Variants in AGAP2 observed in about 807,000 individuals in gnomAD.
AGAP2 encodes the protein arf-GAP with GTPase, ANK repeat and PH domain-containing protein 2.
AGAP2 carries 32 observed loss-of-function variants against 110.9 expected under a neutral mutation model. That is an observed-to-expected ratio of 0.29 (90% CI 0.22 to 0.39). The LOEUF is 0.39. Among genes scored for constraint, AGAP2 ranks in the 10% least tolerant of loss-of-function variants. The pLI, the probability that AGAP2 is intolerant of heterozygous loss-of-function variation, is 1.00. For missense variants in AGAP2, 1,285 were observed against 1,638.5 expected, an observed-to-expected ratio of 0.78 and a Z score of 3.72; for synonymous variants, 702 against 713.0, an observed-to-expected ratio of 0.98 and a Z score of 0.25.
At chr12:57,730,253 C>A in intron 12 of AGAP2, 1 of 553,676 alleles carries the variant, frequency 1.8e-6, no homozygotes, top group South Asian at 2.2e-5. Context: ...AACTGAGGCA[C>A]GGAGAGGTCA....
intron 17 of AGAP2, 22 bp from the exon 18 acceptor site, chr12:57,727,251 G>C (rs777623008): frequency 6.2e-7 from 1 of 1,612,550 alleles, no homozygotes; most frequent in East Asian, 2.2e-5. Context: ...GGGATCAACG[G>C]AAAAGGCTCT....
chr12:57,728,817 GGGGATC>G (rs1485802416), intron 13 of AGAP2, among the ~76,000 whole-genome samples: 1 of 152,098 alleles, frequency 6.6e-6, no homozygotes, highest in Admixed American at 6.6e-5. Flanking sequence ...GGACAAGAAT[GGGGATC>G]ACTATGGTCA....
Position 57,737,587 on chromosome 12 carries a change from C to A in AGAP2, c.660G>T (p.Arg220Ser). Residue 220 changes from arginine to serine, a missense_variant, in exon 1 of 19, where the codon AGG (arginine) becomes AGT (serine). By Grantham distance (110) the Arg-to-Ser change is moderately radical. Around this residue, in one of 7 missense-constraint regions of AGAP2, gnomAD observed 844 missense variants for 941.2 expected, o/e 0.90. Transcript: ENST00000547588. This position sits in a 1 kb window ranked among gnomAD's most constrained non-coding sequence, Gnocchi z 5.9. ...CGGCGCTGCTCTTTGACCCCTTGACCCTGGGCTTGCCCTCGCTTTCGGGCC... is the reference window on the plus strand; with the variant it reads ...CGGCGCTGCTCTTTGACCCCTTGACACTGGGCTTGCCCTCGCTTTCGGGCC... ...LSWPESEGKP[R>S]VKGSKSSAGT... is the part of the protein sequence containing the mutation. The A allele has an allele frequency of 6.5e-7, 1 of 1,548,432 alleles. No homozygotes were observed. Among genetic ancestry groups the A allele is most frequent in the African/African-American group, 1.4e-5 (1 of 73,182 alleles).
At position 57,727,236 on chromosome 12, in the gene AGAP2, G is replaced by C. The variant is rs780552066; in HGVS notation, c.3081-7C>G. ...CCACGACTCGCGCTCCTCCCTGCAAGACCAGGGATCAACGGAAAAGGCTCT... is the reference window on the plus strand; with the variant it reads ...CCACGACTCGCGCTCCTCCCTGCAACACCAGGGATCAACGGAAAAGGCTCT... On this transcript the variant is annotated splice_region_variant and splice_polypyrimidine_tract_variant and intron_variant, in intron 17 of 18. Transcript: ENST00000547588. 2 of 1,612,476 alleles carry C rather than the reference G, an allele frequency of 1.2e-6. No individual in the cohort carries two copies. Among genetic ancestry groups the C allele is most frequent in the African/African-American group, 1.3e-5 (1 of 74,910 alleles).
rs573277672 is a variant in AGAP2 at position 57,731,896 on chromosome 12, C to A, written c.1866G>T (p.Glu622Asp). The A allele has an allele frequency of 6.2e-7, 1 of 1,612,674 alleles. No homozygotes were observed. The highest frequency in any genetic ancestry group is 1.1e-5 in the South Asian group (1 of 90,648). The stretch of plus-strand genomic sequence containing the variant: ...CCACTGCAGCTGCCTCGGCTCGGAG[C>A]TCCCGGTGACCAACATTCGGTGAGG... ...LPSSPNVGHRELRAEAAAVAG... is the reference protein window; with the variant it reads ...LPSSPNVGHRDLRAEAAAVAG... Residue 622 changes from glutamate (E) to aspartate (D), a missense_variant, in exon 8 of 19, where the codon GAG becomes GAT. By Grantham distance (45) the Glu-to-Asp change is conservative. Around this residue, in one of 7 missense-constraint regions of AGAP2, gnomAD observed 844 missense variants for 941.2 expected, o/e 0.90. Coordinates refer to ENST00000547588, the MANE Select transcript of AGAP2 (RefSeq NM_001122772.3).
chr12:57,726,444 G>C lies in AGAP2; in HGVS notation c.*108C>G. On this transcript the variant is annotated 3_prime_UTR_variant, in exon 19 of 19. Coordinates refer to ENST00000547588, the MANE Select transcript of AGAP2 (RefSeq NM_001122772.3). The surrounding 1 kb of genome is among the most constrained non-coding windows in gnomAD (Gnocchi z 5.7). The stretch of plus-strand genomic sequence containing the variant: ...CGTGGGGGTAGGAAGTGCTCCCGTG[G>C]GGCGGGGTGCGGATCGGAGAGGTGA... The C allele has an allele frequency of 1.9e-6, 2 of 1,076,706 alleles. No individual in the cohort carries two copies. The highest frequency in any genetic ancestry group is 9.2e-5 in the South Asian group (2 of 21,710). 66.7% of individuals were successfully genotyped at this position (1,076,706 alleles called of 1,614,324 possible).
intron 12 of AGAP2, among the ~76,000 whole-genome samples, chr12:57,730,206 G>A (rs1226957286): frequency 2.0e-5 from 3 of 152,056 alleles, no homozygotes; most frequent in Admixed American, 6.5e-5. Flanking sequence ...GCAACCCTCT[G>A]AGGTAGAAAC....
chr12:57,741,920 C>G, upstream of AGAP2: 3 of 1,613,616 alleles, frequency 1.9e-6, no homozygotes, highest in Non-Finnish European at 2.5e-6. Flanking sequence ...ACCTCGAATG[C>G]TGTCCAATGA....
At position 57,730,807 on chromosome 12, in the gene AGAP2, C is replaced by G; in HGVS notation, c.2292G>C (p.Gln764His). Reference sequence around the variant, plus strand: ...CTTACTCACCCAGGCCTTCACCCATCTGGACAGTGCTCATGTCCTTGACGA... The same window carrying G: ...CTTACTCACCCAGGCCTTCACCCATGTGGACAGTGCTCATGTCCTTGACGA... The part of the protein sequence containing the change: ...NGLVKDMSTV[Q>H]MGEGLEATTP... Residue 764 changes from glutamine to histidine, a missense_variant, in exon 11 of 19, where the codon CAG (glutamine) becomes CAC (histidine). Gln to His is a conservative substitution (Grantham distance 24). Coordinates refer to ENST00000547588, the MANE Select transcript of AGAP2 (RefSeq NM_001122772.3). 1.2e-6 allele frequency: 2 copies of G among 1,614,064 alleles called. No individual in the cohort carries two copies. The highest frequency in any genetic ancestry group is 1.7e-6 in the Non-Finnish European group (2 of 1,180,042).
Position 57,735,418 on chromosome 12 carries a change from A to G in AGAP2, c.1178T>C (p.Ile393Thr), listed in dbSNP as rs372176951. 14 of 1,613,584 alleles carry G rather than the reference A, an allele frequency of 8.7e-6. No individual in the cohort carries two copies. Among genetic ancestry groups the G allele is most frequent in the African/African-American group, 2.7e-5 (2 of 74,882 alleles). The stretch of plus-strand genomic sequence containing the variant: ...GCTCAAAGTCCATTCCTGGCTATTG[A>G]TCACAGCCTCTGTAACGGGAGAAGG... ...AELRASPKAV[I>T]NSQEWTLSRS... The change falls in exon 2 of 19, where the codon ATC becomes ACC. Residue 393 changes from isoleucine (I) to threonine (T), a missense_variant. Ile to Thr is a moderately conservative substitution (Grantham distance 89). Transcript: ENST00000547588.
chr12:57,729,601 G>C, intron 13 of AGAP2, 38 bp downstream of exon 13: 1 of 1,597,264 alleles, frequency 6.3e-7, no homozygotes. Flanking sequence ...GGGGATGAGG[G>C]TTCTGGGTGG....
chr12:57,734,802 G>C, intron 2 of AGAP2, 123 bp from the exon 3 acceptor site: 2 of 828,652 alleles, frequency 2.4e-6, no homozygotes, highest in Non-Finnish European at 4.0e-6. Context: ...GGGCCTGGAT[G>C]ACAGTCATTC....
rs1484565031 is a variant in AGAP2, at chr12:57,737,308, G to C, written c.939C>G (p.Pro313=). The C allele has an allele frequency of 1.2e-6, 2 of 1,613,742 alleles. No individual in the cohort carries two copies. Among genetic ancestry groups the C allele is most frequent in the Middle Eastern group, 1.7e-4 (1 of 6,058 alleles). Residue 313 remains proline, a synonymous_variant, in exon 1 of 19, where the codon CCC becomes CCG. Coordinates refer to ENST00000547588, the MANE Select transcript of AGAP2 (RefSeq NM_001122772.3). The surrounding 1 kb of genome is among the most constrained non-coding windows in gnomAD (Gnocchi z 5.9). ...TAVTAASAQP[P]GPAPPITLEP... ...CCAGAGTGATTGGAGGTGCAGGCCC[G>C]GGGGGCTGCGCGGAAGCAGCGGTGA...
chr12:57,733,282 C>T (rs909875588), intron 5 of AGAP2, among the ~76,000 whole-genome samples: 4 of 152,136 alleles, frequency 2.6e-5, no homozygotes, highest in South Asian at 4.2e-4. Context: ...GAGACCCAGG[C>T]GCGAGCGACA....
Position 57,727,745 on chromosome 12 carries a change from G to C in AGAP2, c.2793C>G (p.Ala931=). 1 of 1,588,822 alleles carries C rather than the reference G, an allele frequency of 6.3e-7. No individual in the cohort carries two copies. The highest frequency in any genetic ancestry group is 8.6e-7 in the Non-Finnish European group (1 of 1,166,428). ...CGTTCCGGATCGCCTGGATGGCCACGGCCTCGCTTTGGCTGTCTGTGCGCA... is the reference window on the plus strand; with the variant it reads ...CGTTCCGGATCGCCTGGATGGCCACCGCCTCGCTTTGGCTGTCTGTGCGCA... The part of the protein sequence containing the change: ...VKLRTDSQSE[A]VAIQAIRNAK... The change falls in exon 16 of 19, where the codon GCC becomes GCG. Residue 931 remains alanine, a synonymous_variant. Coordinates refer to ENST00000547588, the MANE Select transcript of AGAP2 (RefSeq NM_001122772.3).
At position 57,729,634 on chromosome 12, in the gene AGAP2, C is replaced by T. The variant is rs760217748; in HGVS notation, c.2557+5G>A. On this transcript the variant is annotated splice_donor_5th_base_variant and intron_variant, in intron 13 of 18. Transcript: ENST00000547588. ...TGGGAGTGGAAGTGCCTGCCAGAGC[C>T]TCACCTTCAGCCTGCCCAGCCGAGC... 6 of 1,610,656 alleles carry T rather than the reference C, an allele frequency of 3.7e-6. No individual in the cohort carries two copies. The highest frequency in any genetic ancestry group is 5.1e-6 in the Non-Finnish European group (6 of 1,178,770).
rs991649947 is a variant in AGAP2 at position 57,730,512 on chromosome 12, G to C, written c.2411C>G (p.Ala804Gly). The change falls in exon 12 of 19, where the codon GCC becomes GGC. Residue 804 changes from alanine to glycine, a missense_variant. This residue lies in a region of AGAP2 where 135 missense variants were observed against 182.0 expected (regional missense o/e 0.74). Transcript: ENST00000547588. ...KHLLKPDRNLARALSTDCTPS... is the reference protein window; with the variant it reads ...KHLLKPDRNLGRALSTDCTPS... ...CCACTGACCCGTGCTGAGGGCTCGG[G>C]CCAAATTCCGGTCTGGCTTCAGCAG... The C allele has an allele frequency of 6.2e-7, 1 of 1,614,150 alleles. No homozygotes were observed.
rs1954883193 is a variant in AGAP2 at position 57,731,483 on chromosome 12, G to A, written c.2041-13C>T. On this transcript the variant is annotated splice_polypyrimidine_tract_variant and intron_variant, in intron 9 of 18. Transcript: ENST00000547588. ...TTAGTAGGAAGCTCTGGAGAAAGGG[G>A]AAAGACACATGTGGGAAAAAAGCCA... The A allele has an allele frequency of 6.2e-7, 1 of 1,613,854 alleles. No individual in the cohort carries two copies. The highest frequency in any genetic ancestry group is 1.1e-5 in the South Asian group (1 of 91,078).
In AGAP2 at chr12:57,734,492, C is replaced by T. The variant is rs1363138334; in HGVS notation, c.1316-88G>A. 2.2e-5 allele frequency: 35 copies of T among 1,587,552 alleles called. 1 individual carries two copies. The Middle Eastern group carries it at 2.0e-3, about 90-fold the overall frequency. ...CTCCCAGTGCTTTTGCTATTATGGC[C>T]TCATCCTTCCCCCCTGGTCTCCACA... On this transcript the variant is annotated intron_variant, in intron 3 of 18. Coordinates refer to ENST00000547588, the MANE Select transcript of AGAP2 (RefSeq NM_001122772.3).
Sources: allele counts gnomAD v4.1 joint callset (sites outside exome capture counted in the v4.1 genomes callset), GRCh38; gene constraint gnomAD v4.1.1; regional missense constraint gnomAD v4.1.1; non-coding constraint Gnocchi (gnomAD v3.1); transcripts MANE v1.5; gene names NCBI Gene and HGNC (gene_info 2026-07-23, HGNC 2026-07-21).